Variants in DRC2 observed in about 807,000 individuals in gnomAD.
DRC2 encodes the protein dynein regulatory complex subunit 2.
chr12:48,913,422 G>A, the DRC2 span, among the ~76,000 whole-genome samples: 4 of 151,480 alleles, frequency 2.6e-5, no homozygotes, highest in African/African-American at 9.7e-5. Context: ...TCCCGCCTCA[G>A]CCTCCTGAGT....
chr12:48,908,602 TTA>T, the DRC2 span, among the ~76,000 whole-genome samples: 314 of 104,298 alleles, frequency 3.0e-3, no homozygotes, highest in African/African-American at 9.6e-3. Flanking sequence ...ATTATTATTA[TTA>T]TTATTTATTT....
chr12:48,906,283 C>A, the DRC2 span, among the ~76,000 whole-genome samples: 1 of 152,014 alleles, frequency 6.6e-6, no homozygotes, highest in African/African-American at 2.4e-5. Context: ...CCACATACCC[C>A]ACCAGTTACA....
At chr12:48,917,209 G>C in the DRC2 span, 3 of 1,361,852 alleles carry the variant, frequency 2.2e-6, no homozygotes, top group Non-Finnish European at 3.1e-6. Context: ...CCAGCACCTT[G>C]GTAGGCCAAG....
the DRC2 span, among the ~76,000 whole-genome samples, chr12:48,915,117 T>TC: frequency 3.3e-3 from 484 of 147,960 alleles, 3 homozygotes; most frequent in African/African-American, 0.01. Context: ...TTTCTTTCTT[T>TC]TTTTTTTTTT....
At chr12:48,917,127 T>C in the DRC2 span, 6 of 1,613,056 alleles carry the variant, frequency 3.7e-6, no homozygotes, top group African/African-American at 5.3e-5. Context: ...GGAGAGTAGA[T>C]AGGCAAGAAG....
chr12:48,911,319 G>A, the DRC2 span, among the ~76,000 whole-genome samples: 3 of 152,100 alleles, frequency 2.0e-5, no homozygotes, highest in African/African-American at 7.2e-5. Context: ...CAACACTTTG[G>A]GAGGCTGAGG....
At chr12:48,911,960 T>C in the DRC2 span, among the ~76,000 whole-genome samples, 7 of 151,618 alleles carry the variant, frequency 4.6e-5, no homozygotes, top group African/African-American at 1.5e-4. Context: ...GATAACTGAT[T>C]TAAAAAAAAA....
the DRC2 span, chr12:48,914,312 G>A: frequency 7.7e-7 from 1 of 1,301,328 alleles, no homozygotes; most frequent in Non-Finnish European, 1.0e-6. Context: ...ATTGGCATTA[G>A]GAACAAAGAA....
At chr12:48,905,635 C>A in the DRC2 span, among the ~76,000 whole-genome samples, 16 of 152,166 alleles carry the variant, frequency 1.1e-4, no homozygotes, top group African/African-American at 3.9e-4. Flanking sequence ...AATCAGCCAT[C>A]CTTATGCTCT....
At chr12:48,919,106 T>G in the DRC2 span, among the ~76,000 whole-genome samples, 1 of 152,156 alleles carries the variant, frequency 6.6e-6, no homozygotes, top group African/African-American at 2.4e-5. Flanking sequence ...ACAGATGGGG[T>G]CTCACTGTGT....
the DRC2 span, among the ~76,000 whole-genome samples, chr12:48,912,459 A>AAAAAAAAAAAAAAAAAC: frequency 1.3e-5 from 2 of 150,418 alleles, no homozygotes; most frequent in Non-Finnish European, 3.0e-5. Context: ...AAAAAAAAAA[A>AAAAAAAAAAAAAAAAAC]ATTCATGTGC....
the DRC2 span, among the ~76,000 whole-genome samples, chr12:48,908,595 A>G: frequency 8.2e-6 from 1 of 121,766 alleles, no homozygotes; most frequent in South Asian, 2.4e-4. Flanking sequence ...TATTATTATT[A>G]TTATTATTAT....
chr12:48,904,219 C>G, the DRC2 span: 3 of 1,396,794 alleles, frequency 2.1e-6, no homozygotes, highest in Admixed American at 2.3e-5. Context: ...GTCCCACAAC[C>G]GCCCACAACC....
the DRC2 span, among the ~76,000 whole-genome samples, chr12:48,907,529 G>C: frequency 7.2e-5 from 11 of 152,090 alleles, no homozygotes; most frequent in African/African-American, 2.2e-4. Flanking sequence ...GGTCATTCCT[G>C]AATGAGACTA....
At chr12:48,915,466 T>G in the DRC2 span, among the ~76,000 whole-genome samples, 1 of 149,744 alleles carries the variant, frequency 6.7e-6, no homozygotes, top group Non-Finnish European at 1.5e-5. Context: ...GGCAGAAGAA[T>G]TTTTCTTAGT....
At chr12:48,904,543 A>G in the DRC2 span, 1 of 1,529,942 alleles carries the variant, frequency 6.5e-7, no homozygotes, top group South Asian at 1.3e-5. Flanking sequence ...AGGAAACCTC[A>G]TTTTCATCCT....
chr12:48,913,069 A>C, the DRC2 span, among the ~76,000 whole-genome samples: 1 of 143,810 alleles, frequency 7.0e-6, no homozygotes, highest in African/African-American at 2.7e-5. Context: ...TGGGAGGCCA[A>C]GGTTGCAGTG....
chr12:48,921,161 C>T, the DRC2 span: 7 of 1,613,392 alleles, frequency 4.3e-6, no homozygotes, highest in Non-Finnish European at 5.9e-6. Context: ...TGTAACTCCA[C>T]TCCCAGGTGA....
chr12:48,919,592 G>A, the DRC2 span, among the ~76,000 whole-genome samples: 7 of 151,434 alleles, frequency 4.6e-5, no homozygotes, highest in East Asian at 2.0e-4. Flanking sequence ...ATCTTGGCTC[G>A]CTGCAACCTT....
Sources: allele counts gnomAD v4.1 joint callset (sites outside exome capture counted in the v4.1 genomes callset), GRCh38; gene constraint gnomAD v4.1.1; transcripts MANE v1.5; gene names NCBI Gene and HGNC (gene_info 2026-07-23, HGNC 2026-07-21).